Variants in WDR70 observed in about 807,000 individuals in gnomAD.
WDR70 encodes the protein WD repeat domain 70.
Under a neutral mutation model 88.6 loss-of-function variants are expected in WDR70, and 53 were observed. That is an observed-to-expected ratio of 0.60 (90% CI 0.48 to 0.75). The LOEUF is 0.75. Among genes scored for constraint, WDR70 ranks in the 30% least tolerant of loss-of-function variants. The pLI is 0.00. For synonymous variants in WDR70, 280 were observed against 270.0 expected (o/e 1.04, Z -0.36); for missense variants, 610 against 823.2 (o/e 0.74, Z 3.17).
intron 5 of WDR70, among the ~76,000 whole-genome samples, chr5:37,405,148 A>G (rs1749314376): frequency 6.6e-6 from 1 of 152,172 alleles, no homozygotes. Flanking sequence ...AAGGACAAGT[A>G]AATTGTGTTG....
At chr5:37,541,040 T>C (rs1741800626) in intron 9 of WDR70, among the ~76,000 whole-genome samples, 1 of 152,210 alleles carries the variant, frequency 6.6e-6, no homozygotes, top group Non-Finnish European at 1.5e-5. Flanking sequence ...ACACCTTCTA[T>C]GTGTAAGTAA....
At chr5:37,684,674 G>A (rs1746529024) in intron 10 of WDR70, among the ~76,000 whole-genome samples, 1 of 152,224 alleles carries the variant, frequency 6.6e-6, no homozygotes, top group African/African-American at 2.4e-5. Context: ...CCATTGTGCT[G>A]GGGTGGGGGC....
chr5:37,721,065 T>G (rs1294718231), intron 13 of WDR70, 50 bp from the exon 14 acceptor site: 2 of 1,533,758 alleles, frequency 1.3e-6, no homozygotes, highest in South Asian at 1.1e-5. Context: ...CAGGATTGTT[T>G]CCATTTTTAT....
At chr5:37,516,027 A>G (rs369665101) in intron 8 of WDR70, among the ~76,000 whole-genome samples, 4 of 152,178 alleles carry the variant, frequency 2.6e-5, no homozygotes, top group African/African-American at 9.7e-5. Context: ...TTATTTTTAC[A>G]GAGGCATTGT....
chr5:37,391,877 G>A, intron 3 of WDR70, 123 bp from the exon 4 acceptor site: 1 of 1,096,300 alleles, frequency 9.1e-7, no homozygotes, highest in East Asian at 2.8e-5. Context: ...ATTTTTTGCT[G>A]TTACTGCTAA....
intron 10 of WDR70, among the ~76,000 whole-genome samples, chr5:37,658,472 T>C (rs1222321389): frequency 6.6e-6 from 1 of 152,146 alleles, no homozygotes; most frequent in Non-Finnish European, 1.5e-5. Context: ...TAGAAAATAA[T>C]GTTCCCTCTG....
intron 9 of WDR70, among the ~76,000 whole-genome samples, chr5:37,591,216 C>T (rs1743524239): frequency 6.6e-6 from 1 of 152,108 alleles, no homozygotes; most frequent in Non-Finnish European, 1.5e-5. Flanking sequence ...GCCTGTAATC[C>T]CAGCTACTTG....
chr5:37,439,151 C>G (rs1245253274), intron 6 of WDR70, among the ~76,000 whole-genome samples: 1 of 151,992 alleles, frequency 6.6e-6, no homozygotes, highest in Admixed American at 6.6e-5. Context: ...ATCTGCTGAC[C>G]TCATGATCTT....
chr5:37,385,518 CAAAAAAA>C (rs1160087859), intron 3 of WDR70, among the ~76,000 whole-genome samples: 2 of 67,862 alleles, frequency 2.9e-5, no homozygotes, highest in African/African-American at 6.1e-5. Flanking sequence ...GAGCCTGTCT[CAAAAAAA>C]AAAAAAAAAA....
chr5:37,513,180 A>G (rs998307284), intron 8 of WDR70, among the ~76,000 whole-genome samples: 6 of 152,250 alleles, frequency 3.9e-5, no homozygotes, highest in African/African-American at 1.4e-4. Context: ...ATAAAGAATC[A>G]CAAACTATGA....
chr5:37,566,912 G>A (rs745557745), intron 9 of WDR70, among the ~76,000 whole-genome samples: 42 of 152,268 alleles, frequency 2.8e-4, no homozygotes, highest in Non-Finnish European at 5.1e-4. Context: ...CATCCTAAGA[G>A]TGTTATTAGA....
intron 10 of WDR70, among the ~76,000 whole-genome samples, chr5:37,688,988 T>A (rs1358781301): frequency 1.3e-5 from 2 of 152,166 alleles, no homozygotes; most frequent in Non-Finnish European, 2.9e-5. Context: ...GCCCAAATAC[T>A]GCACTTTTCC....
intron 9 of WDR70, among the ~76,000 whole-genome samples, chr5:37,556,718 G>A (rs1742303657): frequency 6.6e-6 from 1 of 152,162 alleles, no homozygotes; most frequent in Admixed American, 6.5e-5. Flanking sequence ...AGGAAAATAG[G>A]GAAGGGTGGG....
intron 17 of WDR70, among the ~76,000 whole-genome samples, chr5:37,732,854 TA>T (rs1748189840): frequency 2.0e-5 from 3 of 152,080 alleles, no homozygotes; most frequent in Non-Finnish European, 4.4e-5. Flanking sequence ...TGGTGAGATT[TA>T]GAAATGGGGT....
chr5:37,428,302 C>T (rs1040466503), intron 5 of WDR70, among the ~76,000 whole-genome samples: 4 of 152,062 alleles, frequency 2.6e-5, no homozygotes, highest in Non-Finnish European at 4.4e-5. Context: ...CAGTAAAATG[C>T]AACCAATTTA....
intron 13 of WDR70, among the ~76,000 whole-genome samples, chr5:37,709,847 T>C (rs1747458625): frequency 6.6e-6 from 1 of 151,796 alleles, no homozygotes; most frequent in Non-Finnish European, 1.5e-5. Flanking sequence ...TTGAAAAACT[T>C]AAATCTTTTT....
chr5:37,741,441 G>A (rs142685567), intron 17 of WDR70, among the ~76,000 whole-genome samples: 128 of 152,074 alleles, frequency 8.4e-4, no homozygotes, highest in African/African-American at 3.0e-3. Context: ...TTGGCACCAG[G>A]GACTAGTTTC....
At chr5:37,501,819 G>A (rs1320591956) in intron 8 of WDR70, among the ~76,000 whole-genome samples, 2 of 152,066 alleles carry the variant, frequency 1.3e-5, no homozygotes, top group African/African-American at 2.4e-5. Context: ...TTTTATACCA[G>A]TACTATGCTG....
chr5:37,588,470 T>C (rs1743427601), intron 9 of WDR70, among the ~76,000 whole-genome samples: 1 of 152,142 alleles, frequency 6.6e-6, no homozygotes, highest in Non-Finnish European at 1.5e-5. Flanking sequence ...TAATAGAACG[T>C]ATATCTGAGT....
Sources: allele counts gnomAD v4.1 joint callset (sites outside exome capture counted in the v4.1 genomes callset), GRCh38; gene constraint gnomAD v4.1.1; transcripts MANE v1.5; gene names NCBI Gene and HGNC (gene_info 2026-07-23, HGNC 2026-07-21).